SRD5A2: variants seen among roughly 807,000 people sequenced by gnomAD.
SRD5A2 encodes 3-oxo-5-alpha-steroid 4-dehydrogenase 2.
Under a neutral mutation model 27.4 loss-of-function variants are expected in SRD5A2, and 30 were observed. That is an observed-to-expected ratio of 1.10 (90% confidence interval 0.82 to 1.49). The LOEUF is 1.49. Ranked by LOEUF, SRD5A2 falls within the 40% of genes most tolerant of loss-of-function variation. The pLI is 0.00. For missense variants in SRD5A2, 348 were observed against 323.4 expected (o/e 1.08, Z -0.58); for synonymous variants, 141 against 133.6 (o/e 1.06, Z -0.38).
chr2:31,584,429 G>A (rs1667143671), upstream of SRD5A2, among the ~76,000 whole-genome samples: 1 of 152,136 alleles, frequency 6.6e-6, no homozygotes, highest in African/African-American at 2.4e-5. Flanking sequence ...AAATTACTAG[G>A]CATGTTACAT....
At chr2:31,632,051 C>G in the SRD5A2 span, among the ~76,000 whole-genome samples, 1 of 152,082 alleles carries the variant, frequency 6.6e-6, no homozygotes. Context: ...TCACCTGACT[C>G]TATTGAAGGC....
At position 31,523,712 on chromosome 2, in the gene SRD5A2, T is replaced by C. The variant is rs143027663; in HGVS notation, c.*2484A>G. ...ATTATTTTAGCCAAAAAACAGTCCA[T>C]GGAAACCTCAATTAACTATAATTTT... On this transcript the variant is annotated 3_prime_UTR_variant, in exon 5 of 5. Transcript: ENST00000622030. The C allele has an allele frequency of 4.1e-3, 918 of 221,264 alleles. 4 individuals are homozygous for C. The highest frequency in any genetic ancestry group is 6.1e-3 in the Non-Finnish European group (669 of 110,460). The allele number at this position is 221,264 out of a possible 1,614,324, so 13.7% of individuals were successfully genotyped here.
the SRD5A2 span, among the ~76,000 whole-genome samples, chr2:31,605,967 A>G: frequency 2.5e-4 from 38 of 152,116 alleles, no homozygotes; most frequent in African/African-American, 7.7e-4. Flanking sequence ...CTATTCAGCC[A>G]TTAAAAAATG....
the SRD5A2 span, among the ~76,000 whole-genome samples, chr2:31,614,308 A>G: frequency 6.6e-6 from 1 of 152,206 alleles, no homozygotes; most frequent in South Asian, 2.1e-4. Flanking sequence ...CAGGTCCCAT[A>G]TGAGTCCGAA....
the SRD5A2 span, among the ~76,000 whole-genome samples, chr2:31,615,979 C>T: frequency 6.6e-6 from 1 of 151,330 alleles, no homozygotes; most frequent in Non-Finnish European, 1.5e-5. Context: ...TTGGCAGCTT[C>T]CATGTGTTGT....
the SRD5A2 span, among the ~76,000 whole-genome samples, chr2:31,587,936 C>A: frequency 6.6e-6 from 1 of 152,026 alleles, no homozygotes; most frequent in Admixed American, 6.6e-5. Context: ...TAAAAAGAAT[C>A]AAACAGAAAT....
intron 1 of SRD5A2, among the ~76,000 whole-genome samples, chr2:31,571,127 C>G (rs536630545): frequency 6.6e-6 from 1 of 152,188 alleles, no homozygotes; most frequent in Non-Finnish European, 1.5e-5. Context: ...AACTACACTA[C>G]AAGGCTACAG....
the SRD5A2 span, among the ~76,000 whole-genome samples, chr2:31,610,599 C>T: frequency 6.6e-6 from 1 of 152,136 alleles, no homozygotes; most frequent in Non-Finnish European, 1.5e-5. Flanking sequence ...CCCACGCTTG[C>T]CACTGCTAAT....
intron 1 of SRD5A2, among the ~76,000 whole-genome samples, chr2:31,542,017 G>A (rs1468801802): frequency 6.6e-6 from 1 of 152,172 alleles, no homozygotes; most frequent in Non-Finnish European, 1.5e-5. Flanking sequence ...AGGCCACAAG[G>A]ACTGCAATTC....
chr2:31,549,543 C>A (rs907856045), intron 1 of SRD5A2, among the ~76,000 whole-genome samples: 1 of 151,736 alleles, frequency 6.6e-6, no homozygotes, highest in African/African-American at 2.4e-5. Flanking sequence ...TATTTTGCCA[C>A]AATAAAAAAT....
chr2:31,560,822 G>A (rs916031851), intron 1 of SRD5A2, among the ~76,000 whole-genome samples: 8 of 151,904 alleles, frequency 5.3e-5, no homozygotes, highest in East Asian at 1.9e-4. Context: ...TTTGTTACTC[G>A]GTGTCTCCAC....
chr2:31,630,297 C>CAG, the SRD5A2 span, among the ~76,000 whole-genome samples: 14 of 150,130 alleles, frequency 9.3e-5, no homozygotes, highest in Admixed American at 2.7e-4. Context: ...AGGGAAGATA[C>CAG]AGAGAGAGAG....
intron 1 of SRD5A2, among the ~76,000 whole-genome samples, chr2:31,570,862 G>A (rs975355768): frequency 6.6e-6 from 1 of 152,080 alleles, no homozygotes; most frequent in Non-Finnish European, 1.5e-5. Context: ...AAACACTGCT[G>A]AAAGAAATCA....
the SRD5A2 span, among the ~76,000 whole-genome samples, chr2:31,601,599 C>A: frequency 1.3e-5 from 2 of 152,006 alleles, no homozygotes; most frequent in South Asian, 4.1e-4. Context: ...TAAAACCTGG[C>A]AGAGATACAA....
At chr2:31,645,489 T>C in the SRD5A2 span, among the ~76,000 whole-genome samples, 1,381 of 152,364 alleles carry the variant, frequency 9.1e-3, 19 homozygotes, top group South Asian at 0.027. Context: ...ATCTATTTGT[T>C]ATTTTTCTGA....
chr2:31,533,582 G>A (rs1193238397), intron 2 of SRD5A2, 21 bp downstream of exon 2: 10 of 1,549,794 alleles, frequency 6.5e-6, no homozygotes, highest in Non-Finnish European at 8.7e-6. Flanking sequence ...AAGTAGGTGA[G>A]AAGTGGGCAG....
At chr2:31,591,909 G>T in the SRD5A2 span, among the ~76,000 whole-genome samples, 1 of 141,798 alleles carries the variant, frequency 7.1e-6, no homozygotes, top group Non-Finnish European at 1.5e-5. Context: ...GGCACAGGAA[G>T]GGGAACATCA....
At chr2:31,621,793 C>A in the SRD5A2 span, among the ~76,000 whole-genome samples, 110 of 152,018 alleles carry the variant, frequency 7.2e-4, no homozygotes, top group East Asian at 3.9e-4. Flanking sequence ...TATACCACCA[C>A]CCCTGGCTAA....
At chr2:31,615,073 C>T in the SRD5A2 span, among the ~76,000 whole-genome samples, 21 of 152,164 alleles carry the variant, frequency 1.4e-4, no homozygotes, top group South Asian at 2.3e-3. Flanking sequence ...TCCCCAGCCA[C>T]GTGGAACTGT....
Sources: gnomAD v4.1 joint callset for allele counts (sites outside exome capture counted in the v4.1 genomes callset) on GRCh38, gnomAD v4.1.1 for gene constraint, MANE v1.5 for transcripts, NCBI Gene and HGNC (gene_info 2026-07-23, HGNC 2026-07-21) for gene names.